Variants in STARD9 observed in about 807,000 individuals in gnomAD.
The protein encoded by STARD9 is stAR-related lipid transfer protein 9.
In STARD9, 346 loss-of-function variants were observed where a neutral mutation model predicts 399.8. That is an observed-to-expected ratio of 0.87 (90% CI 0.79 to 0.95). STARD9 has a LOEUF of 0.95. STARD9 is among the 40% of genes least tolerant of loss of function. The pLI is 0.00. For synonymous variants in STARD9, 2,203 were observed against 2,143.5 expected, an observed-to-expected ratio of 1.03 and a Z score of -0.77; for missense variants, 5,832 against 5,667.5, an observed-to-expected ratio of 1.03 and a Z score of -0.93.
In STARD9 at chr15:42,718,354, G is replaced by A. The variant is rs541444350; in HGVS notation, c.13763-81G>A. On this transcript the variant is annotated intron_variant, in intron 30 of 32. Coordinates refer to ENST00000290607, the MANE Select transcript of STARD9 (RefSeq NM_020759.3). ...AGGTGTCAAGTGATGGGGTGTTGGG[G>A]GGAGGGCTCCCTGACCAGGAAGGCT... 4.2e-5 allele frequency: 54 copies of A among 1,294,344 alleles called. No homozygotes were observed. The South Asian group carries it at 6.1e-4, about 15-fold the overall frequency. 80.2% of individuals were successfully genotyped at this position (1,294,344 alleles called of 1,614,324 possible).
intron 3 of STARD9, among the ~76,000 whole-genome samples, chr15:42,605,388 A>G (rs1406464047): frequency 6.6e-6 from 1 of 152,204 alleles, no homozygotes; most frequent in Non-Finnish European, 1.5e-5. Context: ...GAAGCCTGAA[A>G]TCAAATGGTG....
At chr15:42,590,167 T>C (rs768258586) in intron 3 of STARD9, among the ~76,000 whole-genome samples, 62 of 151,280 alleles carry the variant, frequency 4.1e-4, no homozygotes, top group Non-Finnish European at 8.5e-4. Context: ...CTCACTGTGT[T>C]GCTCAGGCTG....
Position 42,694,384 on chromosome 15 carries a change from C to T in STARD9, c.12764+42C>T, listed in dbSNP as rs756640065. 5.2e-6 allele frequency: 8 copies of T among 1,535,480 alleles called. 1 individual carries two copies. In the South Asian group the frequency reaches 9.5e-5, roughly 18 times the overall value. On this transcript the variant is annotated intron_variant, in intron 23 of 32. Transcript: ENST00000290607. ...TGGAGTCGGGAGGGGAAGGGGTGGG[C>T]TGTGAGGAAAGAGAACCCAAGAAAG... is the stretch of plus-strand genomic sequence containing the variant.
intron 26 of STARD9, among the ~76,000 whole-genome samples, chr15:42,701,925 G>A (rs544522905): frequency 6.7e-6 from 1 of 149,954 alleles, no homozygotes; most frequent in Non-Finnish European, 1.5e-5. Flanking sequence ...ACCCGGGAGG[G>A]TGGAGGTTGC....
At chr15:42,591,558 C>T (rs910371372) in intron 3 of STARD9, among the ~76,000 whole-genome samples, 1 of 151,904 alleles carries the variant, frequency 6.6e-6, no homozygotes, top group Non-Finnish European at 1.5e-5. Context: ...CAGATCTGGC[C>T]ATGTAATTTA....
chr15:42,617,334 A>G (rs1378167473), intron 3 of STARD9, among the ~76,000 whole-genome samples: 6 of 152,204 alleles, frequency 3.9e-5, no homozygotes, highest in African/African-American at 1.4e-4. Flanking sequence ...GGAAAAGAAC[A>G]TTTATAGGGT....
rs1235448156 is a variant in STARD9, at chr15:42,689,384, A to G, written c.7806A>G (p.Ser2602=). 6.5e-7 allele frequency: 1 copy of G among 1,537,268 alleles called. No homozygotes were observed. The highest frequency in any genetic ancestry group is 2.0e-5 in the Admixed American group (1 of 50,982). The stretch of plus-strand genomic sequence containing the variant: ...CTCAGTGTAAACAAATAGACCAGTC[A>G]TCATCAGACCAGACCAGGAATGAGG... ...GRPQCKQIDQ[S]SSDQTRNEGE... The change falls in exon 23 of 33, where the codon TCA becomes TCG. Residue 2602 remains serine, a synonymous_variant. Transcript: ENST00000290607.
At chr15:42,600,123 C>T (rs1445328656) in intron 3 of STARD9, among the ~76,000 whole-genome samples, 1 of 152,084 alleles carries the variant, frequency 6.6e-6, no homozygotes, top group Non-Finnish European at 1.5e-5. Flanking sequence ...TTTCAGGAGG[C>T]CAGACTCCTA....
chr15:42,603,864 G>A (rs912679356), intron 3 of STARD9, among the ~76,000 whole-genome samples: 40 of 151,936 alleles, frequency 2.6e-4, no homozygotes, highest in African/African-American at 9.2e-4. Flanking sequence ...CCTATCTTTG[G>A]TTCAAAGAAC....
In STARD9 at chr15:42,647,584, T is replaced by C. The variant is rs541206995; in HGVS notation, c.560-3432T>C. On this transcript the variant is annotated intron_variant, in intron 7 of 32. Transcript: ENST00000290607. Reference sequence around the variant, plus strand: ...CTTTGTGTTATTGTTTGTATTTTTATCTTCTTTTCTACTTTTACTTTCAGT... The same window carrying C: ...CTTTGTGTTATTGTTTGTATTTTTACCTTCTTTTCTACTTTTACTTTCAGT... Among the ~76,000 whole-genome samples, 23 of 152,300 alleles carry C rather than the reference T, an allele frequency of 1.5e-4. 1 individual carries two copies. The South Asian group carries it at 4.8e-3, about 32-fold the overall frequency.
At chr15:42,593,813 G>A (rs989129150) in intron 3 of STARD9, among the ~76,000 whole-genome samples, 2 of 151,294 alleles carry the variant, frequency 1.3e-5, no homozygotes, top group African/African-American at 4.9e-5. Flanking sequence ...ACAGGCGCCC[G>A]CCACCACGCC....
chr15:42,693,714 G>A lies in STARD9; in HGVS notation c.12136G>A (p.Gly4046Ser), dbSNP rs963277391. Residue 4046 changes from glycine to serine, a missense_variant, in exon 23 of 33, where the codon GGT becomes AGT. Physicochemically the swap from Gly to Ser is moderately conservative, Grantham distance 56. Coordinates refer to ENST00000290607, the MANE Select transcript of STARD9 (RefSeq NM_020759.3). The stretch of plus-strand genomic sequence containing the variant: ...TTCCCCGGAGCATTGCCCACTGAGC[G>A]GTAGGGAGCCAAGTCAGTGGCAGAG... ...VASPEHCPLS[G>S]REPSQWQSRT... 1.7e-5 allele frequency: 26 copies of A among 1,537,060 alleles called. No individual in the cohort carries two copies. The East Asian group carries it at 2.4e-4, about 14-fold the overall frequency.
intron 7 of STARD9, among the ~76,000 whole-genome samples, chr15:42,645,686 A>G (rs1020150131): frequency 1.3e-5 from 2 of 151,358 alleles, no homozygotes; most frequent in Admixed American, 6.6e-5. Context: ...TTTCCCACCC[A>G]TGCGCTACCA....
At chr15:42,576,932 C>T (rs1352396401) in intron 1 of STARD9, among the ~76,000 whole-genome samples, 5 of 152,122 alleles carry the variant, frequency 3.3e-5, no homozygotes, top group Non-Finnish European at 5.9e-5. Flanking sequence ...TGACCTGCTG[C>T]GTTTTGATTG....
intron 26 of STARD9, among the ~76,000 whole-genome samples, chr15:42,696,262 G>A (rs1405466269): frequency 6.6e-6 from 1 of 152,194 alleles, no homozygotes; most frequent in African/African-American, 2.4e-5. Flanking sequence ...AGTCTAGAAG[G>A]TCATAGAGAT....
chr15:42,647,589 T>G (rs1233159476), intron 7 of STARD9, among the ~76,000 whole-genome samples: 1 of 152,264 alleles, frequency 6.6e-6, no homozygotes, highest in Non-Finnish European at 1.5e-5. Flanking sequence ...TTTTATCTTC[T>G]TTTCTACTTT....
intron 9 of STARD9, among the ~76,000 whole-genome samples, chr15:42,655,855 C>T (rs551080036): frequency 6.6e-6 from 1 of 152,244 alleles, no homozygotes; most frequent in African/African-American, 2.4e-5. Flanking sequence ...TATCCAGACT[C>T]TACAAGGAAC....
rs1003584907 is a variant in STARD9, at chr15:42,688,834, A to G, written c.7256A>G (p.His2419Arg). 3 of 1,537,202 alleles carry G rather than the reference A, an allele frequency of 2.0e-6. No homozygotes were observed. The highest frequency in any genetic ancestry group is 2.7e-5 in the African/African-American group (2 of 73,038). The change falls in exon 23 of 33, where the codon CAT (histidine) becomes CGT (arginine). Residue 2419 changes from histidine to arginine, a missense_variant. This residue lies in a region of STARD9 where 5,828 missense variants were observed against 5,651.1 expected (regional missense o/e 1.03). Coordinates refer to ENST00000290607, the MANE Select transcript of STARD9 (RefSeq NM_020759.3). ...GTGCGATCCATGGCCATGGGATCTCATAGTCAATCTGGTGTACCAGAGAGC... is the reference window on the plus strand; with the variant it reads ...GTGCGATCCATGGCCATGGGATCTCGTAGTCAATCTGGTGTACCAGAGAGC... ...GSVRSMAMGS[H>R]SQSGVPESIP...
chr15:42,663,540 C>T (rs1197389645), intron 12 of STARD9, 50 bp downstream of exon 12: 2 of 1,423,248 alleles, frequency 1.4e-6, no homozygotes, highest in Non-Finnish European at 1.9e-6. Context: ...TACTCTATCT[C>T]AGAGAAAGGG....
Sources: allele counts gnomAD v4.1 joint callset (sites outside exome capture counted in the v4.1 genomes callset), GRCh38; gene constraint gnomAD v4.1.1; regional missense constraint gnomAD v4.1.1; transcripts MANE v1.5; gene names NCBI Gene and HGNC (gene_info 2026-07-23, HGNC 2026-07-21).